TTC39B: variants seen among roughly 807,000 people sequenced by gnomAD.
The protein encoded by TTC39B is tetratricopeptide repeat protein 39B.
TTC39B carries 92 observed loss-of-function variants against 96.6 expected under a neutral mutation model. That is an observed-to-expected ratio of 0.95 (90% CI 0.80 to 1.13). TTC39B has a LOEUF of 1.13. Among genes scored for constraint, TTC39B ranks in the 50% most tolerant of loss-of-function variants. The probability of loss-of-function intolerance (pLI) is 0.00; values close to 1 mark genes in which losing one functional copy is unlikely to be tolerated. For missense variants in TTC39B, 955 were observed against 809.3 expected (o/e 1.18, Z -2.18); for synonymous variants, 367 against 299.4 (o/e 1.23, Z -2.33).
Position 15,214,333 on chromosome 9 carries a change from T to TGC in TTC39B, c.372-85_372-84insGC, listed in dbSNP as rs547432203. The TGC allele has an allele frequency of 3.2e-4, 272 of 842,692 alleles. No homozygotes were observed. The East Asian group carries it at 5.5e-3, about 17-fold the overall frequency. 52.2% of individuals were successfully genotyped at this position (842,692 alleles called of 1,614,324 possible). A position where few individuals can be genotyped will look rare whatever the true frequency, so the allele number is the denominator to read the frequency against. ...CGAAGGGAGTGTGTGTGTGTGTGTG[T>TGC]GTGTGTGTGTGTGTCTGTGTGTGTG... On this transcript the variant is annotated intron_variant, in intron 3 of 19. Transcript: ENST00000512701.
At chr9:15,215,564 A>T (rs1318291186) in intron 3 of TTC39B, among the ~76,000 whole-genome samples, 1 of 151,434 alleles carries the variant, frequency 6.6e-6, no homozygotes, top group Non-Finnish European at 1.5e-5. Context: ...TCTCAAAAAA[A>T]ATAAATAAAT....
chr9:15,211,471 A>AT, intron 4 of TTC39B, 74 bp from the exon 5 acceptor site: 2 of 1,299,706 alleles, frequency 1.5e-6, no homozygotes, highest in Non-Finnish European at 2.0e-6. Context: ...TAGTAAATGC[A>AT]TGTCCTGACT....
chr9:15,225,919 G>A (rs1024133913), exon 3 of TTC39B: 2 of 1,613,054 alleles, frequency 1.2e-6, no homozygotes, highest in East Asian at 4.5e-5. Context: ...TTCCTGACCT[G>A]CTGACAGTAG....
At chr9:15,285,691 A>C (rs1265369978) in intron 1 of TTC39B, among the ~76,000 whole-genome samples, 3 of 152,188 alleles carry the variant, frequency 2.0e-5, no homozygotes, top group East Asian at 1.9e-4. Flanking sequence ...CGTCTCTACT[A>C]AAAATACAAA....
intron 6 of TTC39B, among the ~76,000 whole-genome samples, chr9:15,207,092 C>T (rs1040810673): frequency 1.1e-4 from 16 of 152,198 alleles, no homozygotes; most frequent in Admixed American, 1.0e-3. Context: ...TGCCTCCTGC[C>T]ATGACTTTAA....
At chr9:15,220,342 T>C (rs146680835) in intron 3 of TTC39B, among the ~76,000 whole-genome samples, 2,574 of 152,254 alleles carry the variant, frequency 0.017, 34 homozygotes, top group Non-Finnish European at 0.025. Context: ...CTGCTACCAT[T>C]TCTCATTAGT....
chr9:15,259,451 C>G (rs1239845979), intron 2 of TTC39B, among the ~76,000 whole-genome samples: 1 of 152,220 alleles, frequency 6.6e-6, no homozygotes, highest in Admixed American at 6.5e-5. Context: ...AATTCCACTT[C>G]TGTGTCTGTA....
At chr9:15,211,035 T>A (rs1479592877) in intron 5 of TTC39B, among the ~76,000 whole-genome samples, 2 of 150,408 alleles carry the variant, frequency 1.3e-5, no homozygotes, top group Non-Finnish European at 3.0e-5. Flanking sequence ...CCCACTGAAA[T>A]CCCCCCGAAA....
chr9:15,280,751 A>G (rs1003053449), intron 1 of TTC39B, among the ~76,000 whole-genome samples: 2 of 152,180 alleles, frequency 1.3e-5, no homozygotes, highest in African/African-American at 4.8e-5. Context: ...GGTATCCCTA[A>G]AAGTTAATAT....
At chr9:15,195,821 A>G (rs1300915391) in intron 8 of TTC39B, among the ~76,000 whole-genome samples, 1 of 152,206 alleles carries the variant, frequency 6.6e-6, no homozygotes, top group Non-Finnish European at 1.5e-5. Flanking sequence ...ATGGCCTTCT[A>G]TTGGAAGAAG....
chr9:15,175,804 A>T (rs1002507220), intron 18 of TTC39B, among the ~76,000 whole-genome samples: 3 of 152,144 alleles, frequency 2.0e-5, no homozygotes, highest in East Asian at 1.9e-4. Context: ...TTTGTATCCT[A>T]ATATCCATGC....
chr9:15,201,323 T>A (rs1228322410), intron 7 of TTC39B, among the ~76,000 whole-genome samples: 3 of 151,674 alleles, frequency 2.0e-5, no homozygotes, highest in Admixed American at 6.6e-5. Flanking sequence ...AATGCCTATT[T>A]TATACCAGGC....
chr9:15,219,750 G>A (rs1003717799), intron 3 of TTC39B, among the ~76,000 whole-genome samples: 3 of 152,078 alleles, frequency 2.0e-5, no homozygotes, highest in Non-Finnish European at 2.9e-5. Flanking sequence ...AGAAACACAG[G>A]GCATAAATGG....
intron 4 of TTC39B, among the ~76,000 whole-genome samples, chr9:15,212,267 A>C (rs999418795): frequency 1.3e-5 from 2 of 152,146 alleles, no homozygotes; most frequent in African/African-American, 4.8e-5. Flanking sequence ...CTTGTCCTGA[A>C]CATTGAGGGC....
At chr9:15,204,871 G>C (rs1819755705) in intron 6 of TTC39B, among the ~76,000 whole-genome samples, 1 of 152,140 alleles carries the variant, frequency 6.6e-6, no homozygotes, top group Non-Finnish European at 1.5e-5. Flanking sequence ...GACCTGCGGA[G>C]TACCCCAAAA....
intron 1 of TTC39B, among the ~76,000 whole-genome samples, chr9:15,297,202 A>T (rs1165817165): frequency 6.6e-6 from 1 of 152,160 alleles, no homozygotes; most frequent in Admixed American, 6.5e-5. Context: ...CTCTGCCTGA[A>T]GGAATGAGGG....
intron 1 of TTC39B, among the ~76,000 whole-genome samples, chr9:15,269,330 C>T (rs1418665951): frequency 2.6e-5 from 4 of 152,214 alleles, no homozygotes; most frequent in Non-Finnish European, 5.9e-5. Context: ...ACCAGGGCTT[C>T]GCACCAGGGT....
chr9:15,215,474 T>G (rs542362056), intron 3 of TTC39B, among the ~76,000 whole-genome samples: 1 of 151,790 alleles, frequency 6.6e-6, no homozygotes, highest in African/African-American at 2.4e-5. Flanking sequence ...GGAGAATCAC[T>G]TGAACCCAGG....
At chr9:15,227,887 G>T (rs934738114) in intron 2 of TTC39B, among the ~76,000 whole-genome samples, 1 of 151,990 alleles carries the variant, frequency 6.6e-6, no homozygotes, top group Non-Finnish European at 1.5e-5. Flanking sequence ...TAACATTCCT[G>T]ATTTTGAGGG....
Sources: gnomAD v4.1 joint callset for allele counts (sites outside exome capture counted in the v4.1 genomes callset) on GRCh38, gnomAD v4.1.1 for gene constraint, MANE v1.5 for transcripts, NCBI Gene and HGNC (gene_info 2026-07-23, HGNC 2026-07-21) for gene names.